Variants in INSR observed in about 807,000 individuals in gnomAD.
The protein encoded by INSR is insulin receptor.
In INSR, 67 loss-of-function variants were observed where a neutral mutation model predicts 142.6. That is an observed-to-expected ratio of 0.47 (90% confidence interval 0.39 to 0.58). The LOEUF (loss-of-function observed/expected upper bound fraction) is 0.58. Among genes scored for constraint, INSR ranks in the 20% least tolerant of loss-of-function variants. INSR has a pLI of 0.00. For missense variants in INSR, 1,248 were observed against 1,833.2 expected (o/e 0.68, Z 5.83); for synonymous variants, 756 against 743.1 (o/e 1.02, Z -0.28).
At chr19:7,282,134 G>T (rs1568237076) in intron 1 of INSR, among the ~76,000 whole-genome samples, 1 of 152,130 alleles carries the variant, frequency 6.6e-6, no homozygotes, top group African/African-American at 2.4e-5. Context: ...GGAGGCCGAG[G>T]TGGGTGGATC....
At position 7,291,897 on chromosome 19, in the gene INSR, A is replaced by G. The variant is rs1327708423; in HGVS notation, c.100+1895T>C. Among the ~76,000 whole-genome samples the G allele has an allele frequency of 3.3e-5, 5 of 152,014 alleles. No individual in the cohort carries two copies. In the East Asian group the frequency reaches 7.7e-4, roughly 23 times the overall value. Reference sequence around the variant, plus strand: ...AAGCTCCGCCTCCCGGGTTTACGCCATTCTCCTGCCTCAGCCTCCGGAATA... The same window carrying G: ...AAGCTCCGCCTCCCGGGTTTACGCCGTTCTCCTGCCTCAGCCTCCGGAATA... On this transcript the variant is annotated intron_variant, in intron 1 of 21. Transcript: ENST00000302850.
chr19:7,200,617 T>C (rs1317830066), intron 2 of INSR, among the ~76,000 whole-genome samples: 2 of 151,974 alleles, frequency 1.3e-5, no homozygotes, highest in African/African-American at 4.8e-5. Flanking sequence ...GGCAGGAGGA[T>C]TGCTTGAGCC....
At chr19:7,285,497 A>G (rs1357826163) in intron 1 of INSR, among the ~76,000 whole-genome samples, 1 of 151,852 alleles carries the variant, frequency 6.6e-6, no homozygotes, top group Non-Finnish European at 1.5e-5. Context: ...CTAGCTGAGC[A>G]TGGTGGTGTG....
At chr19:7,273,983 A>G (rs1967992767) in intron 1 of INSR, among the ~76,000 whole-genome samples, 2 of 151,760 alleles carry the variant, frequency 1.3e-5, no homozygotes, top group Admixed American at 1.3e-4. Flanking sequence ...ACAAAGCAAG[A>G]CTCCATCTCA....
At chr19:7,189,664 C>T (rs1425439924) in intron 2 of INSR, among the ~76,000 whole-genome samples, 2 of 141,570 alleles carry the variant, frequency 1.4e-5, no homozygotes, top group Non-Finnish European at 3.1e-5. Flanking sequence ...TTTACTATTA[C>T]TTTTTTTTTT....
chr19:7,122,451 A>G (rs1407258546), intron 19 of INSR, 163 bp downstream of exon 19: 2 of 774,698 alleles, frequency 2.6e-6, no homozygotes, highest in Non-Finnish European at 4.2e-6. Flanking sequence ...CGTCTCAAAA[A>G]CAAAAAGACA....
intron 2 of INSR, among the ~76,000 whole-genome samples, chr19:7,257,489 G>A (rs923482782): frequency 1.7e-4 from 24 of 139,120 alleles, no homozygotes; most frequent in Admixed American, 7.6e-5. Flanking sequence ...GCCTTGCCTT[G>A]TACATATACT....
intron 14 of INSR, 131 bp from the exon 15 acceptor site, chr19:7,129,085 G>T: frequency 1.5e-6 from 1 of 680,780 alleles, no homozygotes; most frequent in Non-Finnish European, 2.6e-6. Flanking sequence ...AAACCTCTCT[G>T]CTGCTCTTCC....
chr19:7,236,582 C>G (rs1236306483), intron 2 of INSR, among the ~76,000 whole-genome samples: 1 of 152,204 alleles, frequency 6.6e-6, no homozygotes, highest in East Asian at 1.9e-4. Flanking sequence ...CAGACATTGG[C>G]CAGGCACCAT....
chr19:7,173,387 C>A (rs953937243), intron 4 of INSR, among the ~76,000 whole-genome samples: 2 of 151,542 alleles, frequency 1.3e-5, no homozygotes, highest in African/African-American at 4.9e-5. Flanking sequence ...GGTGTGATCT[C>A]GGCTCACTGC....
chr19:7,134,607 A>G (rs1414323033), intron 13 of INSR, among the ~76,000 whole-genome samples: 1 of 152,056 alleles, frequency 6.6e-6, no homozygotes, highest in African/African-American at 2.4e-5. Context: ...TCCACTAAAA[A>G]TACAAAAATT....
At chr19:7,148,573 A>T (rs8102016) in intron 11 of INSR, among the ~76,000 whole-genome samples, 1 of 148,554 alleles carries the variant, frequency 6.7e-6, no homozygotes, top group South Asian at 2.1e-4. Flanking sequence ...CGCCTCCAGA[A>T]ATCAAGTGAT....
intron 2 of INSR, among the ~76,000 whole-genome samples, chr19:7,248,917 G>A (rs1029066688): frequency 1.8e-4 from 27 of 151,742 alleles, no homozygotes; most frequent in Non-Finnish European, 3.1e-4. Flanking sequence ...GCGCCACCAC[G>A]CCCAGCTAAT....
intron 19 of INSR, 133 bp from the exon 20 acceptor site, chr19:7,120,882 G>A (rs1335119451): frequency 9.3e-7 from 1 of 1,080,670 alleles, no homozygotes; most frequent in Non-Finnish European, 1.4e-6. Context: ...CCTGGGTGGT[G>A]GCCAAATCCA....
rs1359381856 is a variant in INSR, at chr19:7,292,235, C to T, written c.100+1557G>A. Among the ~76,000 whole-genome samples the T allele has an allele frequency of 2.6e-5, 4 of 152,080 alleles. No homozygotes were observed. The South Asian group carries it at 8.3e-4, about 32-fold the overall frequency. ...CCTCCCAAGTAGCTGGGACTACAGG[C>T]GAACGCCACCAAACCCAGGTAATTT... On this transcript the variant is annotated intron_variant, in intron 1 of 21. Coordinates refer to ENST00000302850, the MANE Select transcript of INSR (RefSeq NM_000208.4).
intron 2 of INSR, among the ~76,000 whole-genome samples, chr19:7,233,632 G>A (rs73490755): frequency 0.05 from 7,450 of 149,802 alleles, 646 homozygotes; most frequent in African/African-American, 0.17. Flanking sequence ...GGGTCACCCA[G>A]GAAAGCTAAA....
intron 2 of INSR, among the ~76,000 whole-genome samples, chr19:7,190,693 A>C (rs1974558472): frequency 6.6e-6 from 1 of 152,136 alleles, no homozygotes; most frequent in Non-Finnish European, 1.5e-5. Context: ...CTATCCTTCG[A>C]ACACTATAAG....
chr19:7,151,156 TTCTTTC>T (rs1189354279), intron 10 of INSR, among the ~76,000 whole-genome samples: 679 of 12,652 alleles, frequency 0.054, 20 homozygotes, highest in African/African-American at 0.065. Flanking sequence ...TTTCCTTTCT[TTCTTTC>T]TCTTTCTTTC....
chr19:7,155,380 A>T (rs965797268), intron 9 of INSR, among the ~76,000 whole-genome samples: 1 of 151,976 alleles, frequency 6.6e-6, no homozygotes, highest in Non-Finnish European at 1.5e-5. Flanking sequence ...CTACTAAAAA[A>T]TCCAAAAATC....
Sources: gnomAD v4.1 joint callset for allele counts (sites outside exome capture counted in the v4.1 genomes callset) on GRCh38, gnomAD v4.1.1 for gene constraint, MANE v1.5 for transcripts, NCBI Gene and HGNC (gene_info 2026-07-23, HGNC 2026-07-21) for gene names.